KAZN: variants seen among roughly 807,000 people sequenced by gnomAD.
KAZN encodes kazrin, periplakin interacting protein.
A neutral mutation model predicts 87.4 loss-of-function variants in KAZN; 40 were observed. That is an observed-to-expected ratio of 0.46 (90% CI 0.36 to 0.60). The LOEUF (loss-of-function observed/expected upper bound fraction) is 0.60, where lower values mean the gene tolerates loss of function less well. Ranked by LOEUF, KAZN falls within the 20% of genes least tolerant of loss-of-function variation. The probability of loss-of-function intolerance (pLI) is 0.00; values close to 1 mark genes in which losing one functional copy is unlikely to be tolerated. For synonymous variants in KAZN, 466 were observed against 458.3 expected, an observed-to-expected ratio of 1.02 and a Z score of -0.22; for missense variants, 898 against 1,073.9, an observed-to-expected ratio of 0.84 and a Z score of 2.29.
chr1:14,067,715 A>G (rs959519806), intron 1 of KAZN, among the ~76,000 whole-genome samples: 1 of 152,140 alleles, frequency 6.6e-6, no homozygotes, highest in Non-Finnish European at 1.5e-5. Flanking sequence ...CAAGCTTGCT[A>G]AGGAATAAAG....
intron 1 of KAZN, among the ~76,000 whole-genome samples, chr1:14,666,384 G>T (rs1162937425): frequency 6.6e-6 from 1 of 152,298 alleles, no homozygotes; most frequent in South Asian, 2.1e-4. Flanking sequence ...CTATAATAAA[G>T]AAGTTATTAA....
intron 2 of KAZN, among the ~76,000 whole-genome samples, chr1:14,470,483 G>A (rs1668396567): frequency 6.6e-6 from 1 of 152,230 alleles, no homozygotes; most frequent in African/African-American, 2.4e-5. Flanking sequence ...GTCTGGTCAT[G>A]TCAATTACAG....
chr1:14,690,130 C>T (rs1414566237), intron 1 of KAZN, among the ~76,000 whole-genome samples: 1 of 152,180 alleles, frequency 6.6e-6, no homozygotes, highest in African/African-American at 2.4e-5. Context: ...CAAATGAAGA[C>T]GGGCTGCACA....
chr1:14,291,693 C>A (rs1338711018), intron 2 of KAZN, among the ~76,000 whole-genome samples: 1 of 152,204 alleles, frequency 6.6e-6, no homozygotes, highest in Non-Finnish European at 1.5e-5. Context: ...GGGCTGCACC[C>A]ACTGCCCAAC....
At chr1:14,416,022 G>A (rs762963403) in intron 2 of KAZN, among the ~76,000 whole-genome samples, 5 of 152,100 alleles carry the variant, frequency 3.3e-5, no homozygotes, top group Non-Finnish European at 1.5e-5. Flanking sequence ...TGCAGCTGAG[G>A]GGCGGAGGCA....
chr1:14,838,633 G>A (rs1162970426), intron 1 of KAZN, among the ~76,000 whole-genome samples: 1 of 152,196 alleles, frequency 6.6e-6, no homozygotes, highest in East Asian at 1.9e-4. Context: ...TTTGTGAGGG[G>A]AAGGGGAGAC....
At chr1:14,310,490 G>C (rs142776633) in intron 2 of KAZN, among the ~76,000 whole-genome samples, 3 of 152,090 alleles carry the variant, frequency 2.0e-5, no homozygotes, top group Admixed American at 2.0e-4. Context: ...TATTGGTTCC[G>C]TGGAAAACAC....
chr1:14,430,987 T>C (rs1043794653), intron 2 of KAZN, among the ~76,000 whole-genome samples: 1 of 152,234 alleles, frequency 6.6e-6, no homozygotes, highest in Non-Finnish European at 1.5e-5. Flanking sequence ...AGCTCCACTG[T>C]TATAGACCCA....
chr1:15,030,425 G>A (rs533567949), intron 2 of KAZN, among the ~76,000 whole-genome samples: 5 of 152,160 alleles, frequency 3.3e-5, no homozygotes, highest in East Asian at 3.9e-4. Flanking sequence ...ACGCCACCAC[G>A]CCCGGCTAAT....
intron 2 of KAZN, among the ~76,000 whole-genome samples, chr1:14,343,545 C>A (rs977514089): frequency 1.4e-4 from 21 of 152,258 alleles, no homozygotes; most frequent in African/African-American, 5.1e-4. Context: ...CCTGTGGCAC[C>A]ATGTGTGATG....
intron 2 of KAZN, among the ~76,000 whole-genome samples, chr1:14,232,479 G>A (rs1647955147): frequency 6.6e-6 from 1 of 152,006 alleles, no homozygotes; most frequent in Non-Finnish European, 1.5e-5. Flanking sequence ...TTGATTCTTG[G>A]GGATCTGGAG....
chr1:14,818,549 T>G (rs1646641387), intron 1 of KAZN, among the ~76,000 whole-genome samples: 2 of 152,216 alleles, frequency 1.3e-5, no homozygotes, highest in East Asian at 3.8e-4. Flanking sequence ...GCTGCAGCTT[T>G]GAGTTTGAGG....
chr1:14,071,835 T>C (rs996053432), intron 1 of KAZN, among the ~76,000 whole-genome samples: 1 of 152,200 alleles, frequency 6.6e-6, no homozygotes, highest in Non-Finnish European at 1.5e-5. Flanking sequence ...CTGGCGGTTC[T>C]GCCTGAGCAG....
chr1:14,692,894 C>T (rs1466915554), intron 1 of KAZN, among the ~76,000 whole-genome samples: 1 of 152,212 alleles, frequency 6.6e-6, no homozygotes, highest in Non-Finnish European at 1.5e-5. Flanking sequence ...GATTGCACCA[C>T]TGCACCTCAG....
chr1:14,969,305 C>T (rs745820752), intron 2 of KAZN, among the ~76,000 whole-genome samples: 4 of 152,262 alleles, frequency 2.6e-5, no homozygotes, highest in Admixed American at 6.5e-5. Flanking sequence ...CATTCTTAGT[C>T]TCATTCCCTC....
intron 1 of KAZN, among the ~76,000 whole-genome samples, chr1:14,929,025 T>A (rs1659496344): frequency 6.6e-6 from 1 of 152,260 alleles, no homozygotes; most frequent in African/African-American, 2.4e-5. Context: ...ACTAGCTATA[T>A]GCCCCTAAGC....
chr1:14,208,973 G>T (rs1274361848), intron 2 of KAZN, among the ~76,000 whole-genome samples: 1 of 152,208 alleles, frequency 6.6e-6, no homozygotes, highest in East Asian at 1.9e-4. Context: ...GATGAGAATT[G>T]AACACAAGAG....
At chr1:14,567,854 C>A (rs1022929034) in intron 2 of KAZN, among the ~76,000 whole-genome samples, 2 of 152,112 alleles carry the variant, frequency 1.3e-5, no homozygotes, top group African/African-American at 4.8e-5. Context: ...TCTTTTACTC[C>A]CCCATTTTAC....
chr1:14,870,648 T>C (rs1652033816), intron 1 of KAZN, among the ~76,000 whole-genome samples: 1 of 152,176 alleles, frequency 6.6e-6, no homozygotes, highest in Non-Finnish European at 1.5e-5. Context: ...GTTTTCCTCA[T>C]CTGTTAAATG....
Sources: allele counts gnomAD v4.1 joint callset (sites outside exome capture counted in the v4.1 genomes callset), GRCh38; gene constraint gnomAD v4.1.1; transcripts MANE v1.5; gene names NCBI Gene and HGNC (gene_info 2026-07-23, HGNC 2026-07-21).